The following OSBPL10 variants were observed in gnomAD, a reference collection of about 807,000 sequenced individuals.
The protein encoded by OSBPL10 is oxysterol-binding protein-related protein 10.
A neutral mutation model predicts 81.7 loss-of-function variants in OSBPL10; 49 were observed. The observed-to-expected ratio is 0.60, with a 90% confidence interval of 0.48 to 0.76. The LOEUF is 0.76. Ranked by LOEUF, OSBPL10 falls within the 30% of genes least tolerant of loss-of-function variation. OSBPL10 has a pLI of 0.00. For synonymous variants in OSBPL10, 419 were observed against 383.6 expected, an observed-to-expected ratio of 1.09 and a Z score of -1.08; for missense variants, 923 against 987.8, an observed-to-expected ratio of 0.93 and a Z score of 0.88.
chr3:31,853,738 T>C (rs1306678833), intron 3 of OSBPL10, among the ~76,000 whole-genome samples: 1 of 152,252 alleles, frequency 6.6e-6, no homozygotes, highest in Admixed American at 6.5e-5. Context: ...AGGAAGCACC[T>C]GCACGTTCTG....
chr3:31,762,275 T>A (rs1698068637), intron 4 of OSBPL10, among the ~76,000 whole-genome samples: 1 of 152,134 alleles, frequency 6.6e-6, no homozygotes, highest in South Asian at 2.1e-4. Context: ...ATCTTTCTCT[T>A]CTCACTCTTT....
chr3:31,750,008 C>T (rs371499474), intron 4 of OSBPL10, among the ~76,000 whole-genome samples: 1 of 151,684 alleles, frequency 6.6e-6, no homozygotes, highest in South Asian at 2.1e-4. Flanking sequence ...TGGTGAAACC[C>T]CATCTCTACT....
chr3:31,719,064 A>T (rs1255585905), intron 6 of OSBPL10: 1 of 152,178 alleles, frequency 6.6e-6, no homozygotes, highest in Non-Finnish European at 1.5e-5. Flanking sequence ...TCCCTACAAA[A>T]CAGCCCACAT....
At chr3:31,960,607 AAC>A (rs1460963864) in intron 1 of OSBPL10, among the ~76,000 whole-genome samples, 1 of 152,202 alleles carries the variant, frequency 6.6e-6, no homozygotes, top group South Asian at 2.1e-4. Flanking sequence ...CCCCAGCTTA[AAC>A]TATCCATTTC....
At chr3:31,827,951 C>CT (rs1700140437) in intron 4 of OSBPL10, among the ~76,000 whole-genome samples, 1 of 152,082 alleles carries the variant, frequency 6.6e-6, no homozygotes. Flanking sequence ...ATTAATCATG[C>CT]TAAAGTACCT....
At chr3:32,044,601 C>A (rs1406366983) in intron 2 of OSBPL10, among the ~76,000 whole-genome samples, 1 of 151,062 alleles carries the variant, frequency 6.6e-6, no homozygotes, top group African/African-American at 2.4e-5. Flanking sequence ...ATTAGTCAGG[C>A]GTGGTAGCAC....
intron 4 of OSBPL10, among the ~76,000 whole-genome samples, chr3:31,754,374 G>A (rs996624071): frequency 7.9e-5 from 12 of 152,126 alleles, no homozygotes; most frequent in Middle Eastern, 3.2e-3. Flanking sequence ...AGAGAGTGAC[G>A]GTGGCAATAA....
At chr3:31,690,391 C>T (rs1217171185) in intron 7 of OSBPL10, among the ~76,000 whole-genome samples, 3 of 152,156 alleles carry the variant, frequency 2.0e-5, no homozygotes, top group Non-Finnish European at 4.4e-5. Context: ...TCAATTAAAC[C>T]TCTTTTCTTT....
intron 8 of OSBPL10, among the ~76,000 whole-genome samples, chr3:31,673,886 T>C (rs1700388379): frequency 6.6e-6 from 1 of 151,904 alleles, no homozygotes; most frequent in African/African-American, 2.4e-5. Context: ...CTTGACCTCC[T>C]GGACTCAAGC....
intron 1 of OSBPL10, among the ~76,000 whole-genome samples, chr3:31,912,363 C>T (rs937628760): frequency 1.3e-5 from 2 of 149,716 alleles, no homozygotes; most frequent in South Asian, 2.1e-4. Flanking sequence ...CCACTGCACT[C>T]CAGCCTGGGC....
intron 6 of OSBPL10, among the ~76,000 whole-genome samples, chr3:31,722,719 G>C (rs1165865448): frequency 6.6e-6 from 1 of 151,834 alleles, no homozygotes; most frequent in Non-Finnish European, 1.5e-5. Context: ...ACATAAGCTA[G>C]GAAAAAGAAG....
At chr3:31,800,664 CTT>C (rs943277511) in intron 4 of OSBPL10, among the ~76,000 whole-genome samples, 6 of 151,980 alleles carry the variant, frequency 3.9e-5, no homozygotes, top group African/African-American at 1.5e-4. Context: ...CAAGGAAAGA[CTT>C]TTAATGAACC....
At chr3:31,775,963 A>C (rs938071781) in intron 4 of OSBPL10, among the ~76,000 whole-genome samples, 1 of 152,136 alleles carries the variant, frequency 6.6e-6, no homozygotes, top group African/African-American at 2.4e-5. Flanking sequence ...GAGCACAATG[A>C]AAGGGTCTCA....
intron 4 of OSBPL10, among the ~76,000 whole-genome samples, chr3:31,772,448 C>T (rs1191074811): frequency 6.6e-6 from 1 of 152,122 alleles, no homozygotes; most frequent in African/African-American, 2.4e-5. Context: ...ATCTTAAATG[C>T]AAAAACAACT....
At chr3:31,953,286 G>T (rs949322161) in intron 1 of OSBPL10, among the ~76,000 whole-genome samples, 12 of 152,000 alleles carry the variant, frequency 7.9e-5, no homozygotes, top group Admixed American at 6.6e-5. Context: ...CGGGACAGAA[G>T]CAAGGCAGGA....
intron 2 of OSBPL10, among the ~76,000 whole-genome samples, chr3:32,039,676 A>G (rs963791791): frequency 1.3e-5 from 2 of 152,068 alleles, no homozygotes; most frequent in Non-Finnish European, 2.9e-5. Context: ...AAGAAAATAT[A>G]AATTACTTAG....
At chr3:31,746,091 TA>T (rs1697511395) in intron 5 of OSBPL10, among the ~76,000 whole-genome samples, 1 of 152,244 alleles carries the variant, frequency 6.6e-6, no homozygotes, top group South Asian at 2.1e-4. Context: ...TTTTTACCTT[TA>T]TCTTAATCTT....
At chr3:31,866,332 G>A (rs1161524050) in intron 3 of OSBPL10, among the ~76,000 whole-genome samples, 1 of 152,128 alleles carries the variant, frequency 6.6e-6, no homozygotes, top group Non-Finnish European at 1.5e-5. Context: ...GTCTGCACCT[G>A]GCAAGCAGGG....
Position 31,842,591 on chromosome 3 carries a change from A to G in OSBPL10, c.538-12360T>C, listed in dbSNP as rs184209441. 1.4e-4 allele frequency among the ~76,000 whole-genome samples: 21 copies of G among 152,382 alleles called. 1 individual carries two copies. The highest frequency in any genetic ancestry group is 4.3e-4 in the African/African-American group (18 of 41,600). On this transcript the variant is annotated intron_variant, in intron 3 of 11. Coordinates refer to ENST00000396556, the MANE Select transcript of OSBPL10 (RefSeq NM_017784.5). The stretch of plus-strand genomic sequence containing the variant: ...ACTGTCATAACAGACGTTAGAGCAC[A>G]TGAAGAAGAAAATTAAACTCTTATC...
Sources: gnomAD v4.1 joint callset for allele counts (sites outside exome capture counted in the v4.1 genomes callset) on GRCh38, gnomAD v4.1.1 for gene constraint, MANE v1.5 for transcripts, NCBI Gene and HGNC (gene_info 2026-07-23, HGNC 2026-07-21) for gene names.